ADAMTS14: variants seen among roughly 807,000 people sequenced by gnomAD.
The protein encoded by ADAMTS14 is ADAM metallopeptidase with thrombospondin type 1 motif 14.
A neutral mutation model predicts 128.6 loss-of-function variants in ADAMTS14; 100 were observed. The observed-to-expected ratio is 0.78, with a 90% CI of 0.66 to 0.92. ADAMTS14 has a LOEUF of 0.92. ADAMTS14 is among the 40% of genes least tolerant of loss of function. ADAMTS14 has a pLI of 0.00. For synonymous variants in ADAMTS14, 665 were observed against 653.8 expected (o/e 1.02, Z -0.26); for missense variants, 1,562 against 1,658.6 (o/e 0.94, Z 1.01).
intron 4 of ADAMTS14, among the ~76,000 whole-genome samples, chr10:70,723,578 G>A (rs368284569): frequency 4.7e-4 from 72 of 152,284 alleles, no homozygotes; most frequent in African/African-American, 1.7e-3. Context: ...GCCATTCGCC[G>A]CGAGGATTCA....
chr10:70,688,904 AGAGCCT>A (rs1564521772), intron 2 of ADAMTS14, among the ~76,000 whole-genome samples: 1 of 61,456 alleles, frequency 1.6e-5, no homozygotes, highest in Non-Finnish European at 2.7e-5. Flanking sequence ...AGGGAGAGGG[AGAGCCT>A]TTGCTTTTAA....
intron 2 of ADAMTS14, among the ~76,000 whole-genome samples, chr10:70,683,589 G>A (rs1839876219): frequency 6.6e-6 from 1 of 152,240 alleles, no homozygotes; most frequent in Non-Finnish European, 1.5e-5. Flanking sequence ...AATAGGCAGG[G>A]TGGGAAACTG....
intron 2 of ADAMTS14, among the ~76,000 whole-genome samples, chr10:70,693,117 A>G (rs1036679935): frequency 6.6e-6 from 1 of 152,122 alleles, no homozygotes; most frequent in Non-Finnish European, 1.5e-5. Context: ...CACACACTTT[A>G]AGCAACTAGA....
intron 15 of ADAMTS14, among the ~76,000 whole-genome samples, chr10:70,747,757 G>A (rs1442099354): frequency 6.6e-6 from 1 of 152,206 alleles, no homozygotes; most frequent in African/African-American, 2.4e-5. Flanking sequence ...AGCCTGGTGG[G>A]GAGAGCGAAG....
At chr10:70,701,518 C>G (rs1840491857) in intron 2 of ADAMTS14, among the ~76,000 whole-genome samples, 1 of 152,176 alleles carries the variant, frequency 6.6e-6, no homozygotes, top group African/African-American at 2.4e-5. Context: ...TGCACGTGTG[C>G]ATATGCAGAC....
intron 2 of ADAMTS14, among the ~76,000 whole-genome samples, chr10:70,701,869 C>T (rs539176988): frequency 1.6e-4 from 25 of 152,124 alleles, no homozygotes; most frequent in Admixed American, 3.3e-4. Flanking sequence ...GGATAATGAG[C>T]CTTTGCCCCT....
At chr10:70,687,988 G>C (rs1397416994) in intron 2 of ADAMTS14, among the ~76,000 whole-genome samples, 1 of 67,992 alleles carries the variant, frequency 1.5e-5, no homozygotes, top group Admixed American at 1.5e-4. Context: ...CCTCCCTCCC[G>C]GACGGGGTGG....
In ADAMTS14 at chr10:70,684,619, TTAGA is replaced by T. The variant is rs781507299; in HGVS notation, c.522+9625_522+9628del. Among the ~76,000 whole-genome samples the T allele has an allele frequency of 2.0e-5, 3 of 152,368 alleles. No individual in the cohort carries two copies. In the East Asian group the frequency reaches 5.8e-4, roughly 29 times the overall value. On this transcript the variant is annotated intron_variant, in intron 2 of 21. Transcript: ENST00000373207. ...TGTCCCTACCTTGTAGTTTTGTGGG[TTAGA>T]AATTATGCACTTAAAGTGCTGCCAC...
intron 5 of ADAMTS14, 115 bp from the exon 6 acceptor site, chr10:70,729,987 G>T (rs574204296): frequency 2.3e-6 from 3 of 1,286,690 alleles, no homozygotes; most frequent in Admixed American, 2.3e-5. Flanking sequence ...CTTGGGGTGG[G>T]TCCTGCAGTC....
chr10:70,750,004 G>A lies in ADAMTS14; in HGVS notation c.2427+19G>A, dbSNP rs549264071. 12 of 1,610,498 alleles carry A rather than the reference G, an allele frequency of 7.5e-6. No individual in the cohort carries two copies. Among genetic ancestry groups the A allele is most frequent in the African/African-American group, 5.3e-5 (4 of 74,958 alleles). Reference sequence around the variant, plus strand: ...CATCCTGGTGAGCCCCACTCTGTGCGGTGGCAACCCCTGCCCACCCCACTT... The same window carrying A: ...CATCCTGGTGAGCCCCACTCTGTGCAGTGGCAACCCCTGCCCACCCCACTT... On this transcript the variant is annotated intron_variant, in intron 16 of 21. Coordinates refer to ENST00000373207, the MANE Select transcript of ADAMTS14 (RefSeq NM_080722.4).
intron 19 of ADAMTS14, among the ~76,000 whole-genome samples, chr10:70,755,148 A>G (rs937206952): frequency 6.6e-6 from 1 of 151,984 alleles, no homozygotes; most frequent in Non-Finnish European, 1.5e-5. Context: ...TCTACAAAAA[A>G]TGTAAAAAGT....
intron 2 of ADAMTS14, among the ~76,000 whole-genome samples, chr10:70,690,224 G>T (rs1336108511): frequency 6.9e-6 from 1 of 144,440 alleles, no homozygotes; most frequent in Non-Finnish European, 1.6e-5. Flanking sequence ...TGCAGTGTGG[G>T]CATTTGTGCT....
chr10:70,714,595 A>G (rs1047212528), intron 4 of ADAMTS14, among the ~76,000 whole-genome samples: 2 of 152,080 alleles, frequency 1.3e-5, no homozygotes, highest in Admixed American at 6.5e-5. Flanking sequence ...AAAAGAGTTG[A>G]TTTGCCAGTT....
intron 18 of ADAMTS14, 99 bp downstream of exon 18, chr10:70,752,326 T>C (rs2132744751): frequency 5.3e-6 from 8 of 1,499,524 alleles, no homozygotes; most frequent in Middle Eastern, 1.8e-4. Context: ...CACTGGGTTA[T>C]GGAGACACGA....
At chr10:70,758,562 A>G (rs757811749) in intron 21 of ADAMTS14, among the ~76,000 whole-genome samples, 3 of 152,246 alleles carry the variant, frequency 2.0e-5, no homozygotes, top group Non-Finnish European at 2.9e-5. Flanking sequence ...TTCTTTTGAT[A>G]TAGAAATTTA....
chr10:70,688,843 C>CAGAG (rs1459253588), intron 2 of ADAMTS14, among the ~76,000 whole-genome samples: 1 of 4,168 alleles, frequency 2.4e-4, no homozygotes, highest in African/African-American at 1.1e-3. Context: ...AGAGGGAGAC[C>CAGAG]GGAGGGGGAG....
intron 19 of ADAMTS14, among the ~76,000 whole-genome samples, chr10:70,755,803 C>T (rs888968816): frequency 6.6e-6 from 1 of 152,202 alleles, no homozygotes; most frequent in Non-Finnish European, 1.5e-5. Flanking sequence ...GAGCCAAGAT[C>T]ACGCCATTGT....
chr10:70,702,120 C>A (rs1211594115), intron 2 of ADAMTS14, among the ~76,000 whole-genome samples, 192 bp from the exon 3 acceptor site: 1 of 152,180 alleles, frequency 6.6e-6, no homozygotes, highest in Non-Finnish European at 1.5e-5. Flanking sequence ...GCTTTCCTAC[C>A]ACCTCCTCCC....
At position 70,730,221 on chromosome 10, in the gene ADAMTS14, C is replaced by T. The variant is rs1463985535; in HGVS notation, c.1074C>T (p.Phe358=). The T allele has an allele frequency of 2.4e-5, 38 of 1,613,978 alleles. No homozygotes were observed. Among genetic ancestry groups the T allele is most frequent in the Non-Finnish European group, 3.2e-5 (38 of 1,180,000 alleles). ...CTGAGCACCATGACCACGTTGTGTTCCTCACCCGGCAGGACTTTGGGCCCT... is the reference window on the plus strand; with the variant it reads ...CTGAGCACCATGACCACGTTGTGTTTCTCACCCGGCAGGACTTTGGGCCCT... ...SHAEHHDHVV[F]LTRQDFGPSG... The change falls in exon 6 of 22, where the codon TTC becomes TTT. Residue 358 remains phenylalanine, a synonymous_variant. Coordinates refer to ENST00000373207, the MANE Select transcript of ADAMTS14 (RefSeq NM_080722.4).
Sources: allele counts gnomAD v4.1 joint callset (sites outside exome capture counted in the v4.1 genomes callset), GRCh38; gene constraint gnomAD v4.1.1; transcripts MANE v1.5; gene names NCBI Gene and HGNC (gene_info 2026-07-23, HGNC 2026-07-21).